DCDC1: variants seen among roughly 807,000 people sequenced by gnomAD.
DCDC1 encodes doublecortin domain containing 1, also known as doublecortin domain-containing protein 1.
DCDC1 carries 200 observed loss-of-function variants against 178.3 expected under a neutral mutation model. That is an observed-to-expected ratio of 1.12 (90% CI 1.00 to 1.26). The LOEUF (loss-of-function observed/expected upper bound fraction) is 1.26. DCDC1 is among the 50% of genes most tolerant of loss of function. DCDC1 has a pLI of 0.00. For synonymous variants in DCDC1, 690 were observed against 604.8 expected, an observed-to-expected ratio of 1.14 and a Z score of -2.07; for missense variants, 1,983 against 1,749.2, an observed-to-expected ratio of 1.13 and a Z score of -2.38.
chr11:31,227,818 T>C (rs1027191983), intron 9 of DCDC1, among the ~76,000 whole-genome samples: 4 of 152,076 alleles, frequency 2.6e-5, no homozygotes, highest in African/African-American at 7.2e-5. Flanking sequence ...AGGACATTAT[T>C]TTATAATAAC....
intron 20 of DCDC1, among the ~76,000 whole-genome samples, chr11:30,968,448 C>T (rs1290507274): frequency 6.6e-6 from 1 of 151,808 alleles, no homozygotes; most frequent in Non-Finnish European, 1.5e-5. Context: ...AGGGAAAACT[C>T]TTGTTGAAAG....
intron 20 of DCDC1, among the ~76,000 whole-genome samples, chr11:31,059,987 A>G (rs1043462208): frequency 5.3e-5 from 8 of 152,056 alleles, no homozygotes; most frequent in Non-Finnish European, 1.0e-4. Context: ...GCAGGAGACT[A>G]TAACAGTTCC....
Position 30,903,565 on chromosome 11 carries a change from G to A in DCDC1, c.4427C>T (p.Ser1476Phe). ...TTTCTCAGAGTCTCTCTGGAGAAAG[G>A]ATTCATCTAGAGCCCATAAAACCAA... is the stretch of plus-strand genomic sequence containing the variant. ...RDLVLWALDE[S>F]FLQRDSEKQK... Residue 1476 changes from serine to phenylalanine, a missense_variant, in exon 32 of 39, where the codon TCC becomes TTC. Physicochemically the swap from Ser to Phe is radical, Grantham distance 155. Transcript: ENST00000684477. The A allele has an allele frequency of 6.2e-7, 1 of 1,608,468 alleles. No homozygotes were observed.
At chr11:30,962,469 C>T (rs1169780036) in intron 20 of DCDC1, among the ~76,000 whole-genome samples, 2 of 151,926 alleles carry the variant, frequency 1.3e-5, no homozygotes, top group Admixed American at 1.3e-4. Flanking sequence ...AATAAGAAAT[C>T]ATTTCAACAA....
In DCDC1 at chr11:31,306,373, A is replaced by G. The variant is rs182495672; in HGVS notation, c.450T>C (p.Ser150=). 10 of 1,608,572 alleles carry G rather than the reference A, an allele frequency of 6.2e-6. No individual in the cohort carries two copies. The highest frequency in any genetic ancestry group is 8.5e-6 in the Non-Finnish European group (10 of 1,177,800). The change falls in exon 5 of 39, where the codon TCT becomes TCC. Residue 150 remains serine, a synonymous_variant. Coordinates refer to ENST00000684477, the MANE Select transcript of DCDC1 (RefSeq NM_001387274.1). ...TCCGGGCTGACTGAAATTTTAAAGAAGAGAACTCTGCAACCCTGAAGAAAA... is the reference window on the plus strand; with the variant it reads ...TCCGGGCTGACTGAAATTTTAAAGAGGAGAACTCTGCAACCCTGAAGAAAA... The part of the protein sequence containing the change: ...PVGQLRVAEF[S]SLKFQSARNW...
intron 9 of DCDC1, among the ~76,000 whole-genome samples, chr11:31,204,966 G>A (rs1187416036): frequency 6.6e-6 from 1 of 152,152 alleles, no homozygotes. Flanking sequence ...TCTATATAAA[G>A]TAGAGTTGGC....
intron 9 of DCDC1, among the ~76,000 whole-genome samples, chr11:31,198,984 C>T (rs1224264420): frequency 1.3e-5 from 2 of 151,826 alleles, no homozygotes; most frequent in African/African-American, 4.8e-5. Flanking sequence ...GGTTTATTGA[C>T]AACATGTAGT....
chr11:31,005,952 GAAAAAAAAAAA>G (rs35225668), intron 20 of DCDC1, among the ~76,000 whole-genome samples: 3 of 47,814 alleles, frequency 6.3e-5, no homozygotes, highest in Non-Finnish European at 8.2e-5. Context: ...TCTTATTCCT[GAAAAAAAAAAA>G]AAAAAAAAAA....
chr11:31,074,786 T>C (rs1422605852), intron 18 of DCDC1, among the ~76,000 whole-genome samples: 3 of 152,104 alleles, frequency 2.0e-5, no homozygotes, highest in African/African-American at 7.2e-5. Flanking sequence ...ACAGAGGCTG[T>C]GAGAGTTTGA....
chr11:31,159,751 A>G (rs959256342), intron 9 of DCDC1, among the ~76,000 whole-genome samples: 6 of 152,326 alleles, frequency 3.9e-5, no homozygotes, highest in African/African-American at 1.2e-4. Flanking sequence ...AGGGATTAAC[A>G]AAGTATTAAT....
chr11:31,210,446 C>T (rs1323611854), intron 9 of DCDC1, among the ~76,000 whole-genome samples: 2 of 152,158 alleles, frequency 1.3e-5, no homozygotes, highest in Non-Finnish European at 2.9e-5. Context: ...GGCACGGTGG[C>T]TCATGCCTGT....
intron 18 of DCDC1, among the ~76,000 whole-genome samples, chr11:31,073,783 C>G (rs1017357347): frequency 6.6e-6 from 1 of 152,110 alleles, no homozygotes; most frequent in African/African-American, 2.4e-5. Flanking sequence ...CTTCTATGAA[C>G]AGAACTAAAG....
At chr11:31,018,277 T>C (rs1952623689) in intron 20 of DCDC1, among the ~76,000 whole-genome samples, 1 of 152,230 alleles carries the variant, frequency 6.6e-6, no homozygotes, top group South Asian at 2.1e-4. Context: ...AAATTTCTAA[T>C]AAAAGAAGCT....
intron 10 of DCDC1, among the ~76,000 whole-genome samples, chr11:31,136,265 C>G (rs1963121430): frequency 6.6e-6 from 1 of 152,024 alleles, no homozygotes; most frequent in African/African-American, 2.4e-5. Context: ...ACAACCTAGT[C>G]TTGTAACTTG....
At chr11:31,212,651 T>C (rs9919647) in intron 9 of DCDC1, among the ~76,000 whole-genome samples, 40,097 of 152,028 alleles carry the variant, frequency 0.26, 5,464 homozygotes, top group African/African-American at 0.32. Flanking sequence ...CATGGGTGAA[T>C]AAAAATGACG....
intron 20 of DCDC1, among the ~76,000 whole-genome samples, chr11:31,033,660 ATAGTTATGCACTTTATAACAACCATTT>A (rs1953820490): frequency 6.6e-6 from 1 of 152,204 alleles, no homozygotes; most frequent in African/African-American, 2.4e-5. Context: ...AAATGAAAAA[ATAGTTATGCACTTTATAACAACCATTT>A]TAGTTAATAA....
chr11:31,189,696 C>T (rs1205390739), intron 9 of DCDC1, among the ~76,000 whole-genome samples: 1 of 152,144 alleles, frequency 6.6e-6, no homozygotes, highest in Non-Finnish European at 1.5e-5. Context: ...TCTGTCATCA[C>T]ATCACTCTCT....
At chr11:31,032,720 T>C (rs895274090) in intron 20 of DCDC1, among the ~76,000 whole-genome samples, 1 of 152,208 alleles carries the variant, frequency 6.6e-6, no homozygotes, top group Non-Finnish European at 1.5e-5. Flanking sequence ...GCTTTCTTGT[T>C]CCCATTGAAA....
intron 8 of DCDC1, among the ~76,000 whole-genome samples, chr11:31,264,054 GAGCTACTTTTAAT>G (rs1319279667): frequency 6.6e-6 from 1 of 152,122 alleles, no homozygotes; most frequent in Admixed American, 6.6e-5. Context: ...GCCTGAAGAT[GAGCTACTTTTAAT>G]AGTATAACAG....
Sources: gnomAD v4.1 joint callset for allele counts (sites outside exome capture counted in the v4.1 genomes callset) on GRCh38, gnomAD v4.1.1 for gene constraint, MANE v1.5 for transcripts, NCBI Gene and HGNC (gene_info 2026-07-23, HGNC 2026-07-21) for gene names.